LARP1: variants seen among roughly 807,000 people sequenced by gnomAD.
LARP1 encodes the protein la-related protein 1.
A neutral mutation model predicts 122.7 loss-of-function variants in LARP1; 36 were observed. That is an observed-to-expected ratio of 0.29 (90% confidence interval 0.22 to 0.39). LARP1 has a LOEUF of 0.39. Among genes scored for constraint, LARP1 ranks in the 10% least tolerant of loss-of-function variants. The probability of loss-of-function intolerance (pLI) is 1.00; values close to 1 mark genes in which losing one functional copy is unlikely to be tolerated. For synonymous variants in LARP1, 539 were observed against 528.7 expected (o/e 1.02, Z -0.27); for missense variants, 1,040 against 1,403.6 (o/e 0.74, Z 4.14).
upstream of LARP1, among the ~76,000 whole-genome samples, chr5:154,751,666 A>G (rs145240021): frequency 7.8e-3 from 1,183 of 152,328 alleles, 7 homozygotes; most frequent in Non-Finnish European, 0.013. Flanking sequence ...ATTACATACA[A>G]TAAGATGTTT....
chr5:154,800,129 C>G, intron 10 of LARP1, 87 bp downstream of exon 10: 1 of 1,206,342 alleles, frequency 8.3e-7, no homozygotes, highest in South Asian at 1.5e-5. Flanking sequence ...AGCACTCTAG[C>G]TCTGAGGGGC....
At chr5:154,781,933 A>G (rs1756483833) in intron 1 of LARP1, among the ~76,000 whole-genome samples, 1 of 152,202 alleles carries the variant, frequency 6.6e-6, no homozygotes, top group African/African-American at 2.4e-5. Context: ...CAACCATTTC[A>G]GGCGGTAGTG....
At chr5:154,747,347 C>T (rs1403071192) in intron 1 of LARP1, among the ~76,000 whole-genome samples, 1 of 151,456 alleles carries the variant, frequency 6.6e-6, no homozygotes, top group Admixed American at 6.6e-5. Flanking sequence ...TGCTGTGGAT[C>T]ACCTGAGGTC....
rs1323425197 is a variant in LARP1, at chr5:154,814,138, G to T, written c.*42G>T. 13 of 1,598,186 alleles carry T rather than the reference G, an allele frequency of 8.1e-6. No individual in the cohort carries two copies. The Admixed American group carries it at 2.0e-4, about 25-fold the overall frequency. ...GGGGCTTGAGGGGGGAAAGGGGTAGGGTGGGTAAGAGTCCATGGGGGTGCC... is the reference window on the plus strand; with the variant it reads ...GGGGCTTGAGGGGGGAAAGGGGTAGTGTGGGTAAGAGTCCATGGGGGTGCC... On this transcript the variant is annotated 3_prime_UTR_variant, in exon 19 of 19. Coordinates refer to ENST00000518297, the MANE Select transcript of LARP1 (RefSeq NM_033551.3).
At chr5:154,761,878 G>T (rs941526530) in intron 1 of LARP1, among the ~76,000 whole-genome samples, 18 of 152,156 alleles carry the variant, frequency 1.2e-4, no homozygotes, top group Admixed American at 2.0e-4. Flanking sequence ...ACAGAATGGG[G>T]CTAATCCCGG....
chr5:154,756,039 G>A lies in LARP1; in HGVS notation c.282G>A (p.Glu94=). 9.4e-7 allele frequency: 1 copy of A among 1,067,900 alleles called. No homozygotes were observed. The highest frequency in any genetic ancestry group is 1.1e-6 in the Non-Finnish European group (1 of 878,990). 66.2% of individuals were successfully genotyped at this position (1,067,900 alleles called of 1,614,324 possible). The change falls in exon 1 of 19, where the codon GAG becomes GAA. Residue 94 remains glutamate (E), a synonymous_variant. Transcript: ENST00000518297. ...GCCCGGCCATCAGCGACGGGGAGGAGGGCGGCGGCGAGCCAGGCGCTGGCG... is the reference window on the plus strand; with the variant it reads ...GCCCGGCCATCAGCGACGGGGAGGAAGGCGGCGGCGAGCCAGGCGCTGGCG... ...AEGPAISDGE[E]GGGEPGAGGG...
At chr5:154,777,693 A>G (rs1407684652) in intron 1 of LARP1, among the ~76,000 whole-genome samples, 5 of 152,220 alleles carry the variant, frequency 3.3e-5, no homozygotes, top group Admixed American at 6.5e-5. Flanking sequence ...AACAAAGTGT[A>G]ACTGAATTGT....
At chr5:154,725,051 C>T (rs1450090086) in intron 1 of LARP1, among the ~76,000 whole-genome samples, 1 of 151,676 alleles carries the variant, frequency 6.6e-6, no homozygotes, top group East Asian at 1.9e-4. Flanking sequence ...CTGAGGCCAG[C>T]CTGGGCAATA....
intron 16 of LARP1, among the ~76,000 whole-genome samples, chr5:154,810,943 T>G (rs570981296): frequency 6.6e-6 from 1 of 152,208 alleles, no homozygotes; most frequent in Non-Finnish European, 1.5e-5. Flanking sequence ...ATAAGGTGTT[T>G]GTCGTAATTA....
chr5:154,793,986 G>C lies in LARP1; in HGVS notation c.1055G>C (p.Arg352Pro). ...RGRGRGRGRGRGGTRTHFDYQ... is the reference protein window; with the variant it reads ...RGRGRGRGRGPGGTRTHFDYQ... ...CGTGGTCGCGGCCGGGGACGCGGCCGGGGTGGCACTCGAAGTACGTGAGGC... is the reference window on the plus strand; with the variant it reads ...CGTGGTCGCGGCCGGGGACGCGGCCCGGGTGGCACTCGAAGTACGTGAGGC... Residue 352 changes from arginine (R) to proline (P), a missense_variant, in exon 6 of 19, where the codon CGG (arginine) becomes CCG (proline). Coordinates refer to ENST00000518297, the MANE Select transcript of LARP1 (RefSeq NM_033551.3). The C allele has an allele frequency of 1.2e-6, 2 of 1,610,506 alleles. No individual in the cohort carries two copies. Among genetic ancestry groups the C allele is most frequent in the Non-Finnish European group, 1.7e-6 (2 of 1,177,588 alleles).
chr5:154,808,608 G>C lies in LARP1; in HGVS notation c.2843+5G>C. ...GGACGCCAAAGAAGGCTACAGGTGA[G>C]CAGGTTTGGGTGGGGGACTTTGGCT... On this transcript the variant is annotated splice_donor_5th_base_variant and intron_variant, in intron 16 of 18. Coordinates refer to ENST00000518297, the MANE Select transcript of LARP1 (RefSeq NM_033551.3). The C allele has an allele frequency of 6.2e-7, 1 of 1,611,550 alleles. No homozygotes were observed. The highest frequency in any genetic ancestry group is 8.5e-7 in the Non-Finnish European group (1 of 1,178,790).
At chr5:154,757,914 C>A (rs904407293) in intron 1 of LARP1, among the ~76,000 whole-genome samples, 1 of 138,706 alleles carries the variant, frequency 7.2e-6, no homozygotes, top group Non-Finnish European at 1.6e-5. Flanking sequence ...CCTCCCCTTC[C>A]CCCCTTTCCC....
intron 15 of LARP1, 95 bp downstream of exon 15, chr5:154,806,127 C>T (rs760421812): frequency 4.7e-5 from 62 of 1,332,868 alleles, no homozygotes; most frequent in Non-Finnish European, 6.0e-5. Flanking sequence ...TGACTCTTTT[C>T]TCTGACTTCA....
intron 18 of LARP1, among the ~76,000 whole-genome samples, chr5:154,813,006 T>C (rs2113055307): frequency 6.6e-6 from 1 of 152,284 alleles, no homozygotes; most frequent in South Asian, 2.1e-4. Context: ...ACATTTATTA[T>C]TTTAAAACTG....
Position 154,802,264 on chromosome 5 carries a change from G to T in LARP1, c.1974G>T (p.Gly658=), listed in dbSNP as rs141357520. The T allele has an allele frequency of 6.8e-6, 11 of 1,614,078 alleles. No individual in the cohort carries two copies. The highest frequency in any genetic ancestry group is 6.7e-5 in the African/African-American group (5 of 74,926). Residue 658 remains glycine (G), a synonymous_variant, in exon 11 of 19, where the codon GGG becomes GGT. Coordinates refer to ENST00000518297, the MANE Select transcript of LARP1 (RefSeq NM_033551.3). This position sits in a 1 kb window ranked among gnomAD's most constrained non-coding sequence, Gnocchi z 5.1. ...CACATTACATGCGCCGGCACCCAGG[G>T]GGGGACCGCACAGGCAACCACACCT... is the stretch of plus-strand genomic sequence containing the variant. ...QTPHYMRRHP[G]GDRTGNHTSR...
At position 154,777,281 on chromosome 5, in the gene LARP1, C is replaced by G. The variant is rs1400446243; in HGVS notation, c.437-13044C>G. Among the ~76,000 whole-genome samples the G allele has an allele frequency of 6.6e-5, 10 of 151,524 alleles. No homozygotes were observed. In the South Asian group the frequency reaches 1.9e-3, roughly 29 times the overall value. On this transcript the variant is annotated intron_variant, in intron 1 of 18. Coordinates refer to ENST00000518297, the MANE Select transcript of LARP1 (RefSeq NM_033551.3). ...TTCCCAGCACTTTGGGAGGTTGAGG[C>G]GGGTAGATCGCCTGAGGTCAGGAGT...
chr5:154,801,947 A>G (rs1156921401), intron 10 of LARP1, 60 bp from the exon 11 acceptor site: 1 of 1,509,054 alleles, frequency 6.6e-7, no homozygotes, highest in African/African-American at 1.4e-5. Flanking sequence ...TGGTATAGCT[A>G]CAGAATCTGG....
chr5:154,800,035 G>C lies in LARP1; in HGVS notation c.1709G>C (p.Arg570Pro). ...VKKRPRPSPA[R>P]PKKSEESRFS... ...AAGAGGCCTCGGCCATCCCCAGCACGGCCCAAGGTGGGTGAGGCCTTGTCC... is the reference window on the plus strand; with the variant it reads ...AAGAGGCCTCGGCCATCCCCAGCACCGCCCAAGGTGGGTGAGGCCTTGTCC... Residue 570 changes from arginine to proline, a missense_variant, in exon 10 of 19, where the codon CGG (arginine) becomes CCG (proline). Physicochemically the swap from Arg to Pro is moderately radical, Grantham distance 103 (BLOSUM62 -2). Coordinates refer to ENST00000518297, the MANE Select transcript of LARP1 (RefSeq NM_033551.3). The C allele has an allele frequency of 6.2e-7, 1 of 1,613,284 alleles. No individual in the cohort carries two copies. The highest frequency in any genetic ancestry group is 8.5e-7 in the Non-Finnish European group (1 of 1,179,856).
chr5:154,797,221 G>GGTTTTTTTTTTTTT (rs1757940079), intron 8 of LARP1, among the ~76,000 whole-genome samples: 2 of 29,748 alleles, frequency 6.7e-5, no homozygotes, highest in African/African-American at 2.1e-4. Context: ...TGTTGTTGTT[G>GGTTTTTTTTTTTTT]TTTTTTTTTT....
Sources: gnomAD v4.1 joint callset for allele counts (sites outside exome capture counted in the v4.1 genomes callset) on GRCh38, gnomAD v4.1.1 for gene constraint, Gnocchi (gnomAD v3.1) non-coding constraint, MANE v1.5 for transcripts, NCBI Gene and HGNC (gene_info 2026-07-23, HGNC 2026-07-21) for gene names.